The following MKLN1 variants were observed in gnomAD, a reference collection of about 807,000 sequenced individuals.
The protein encoded by MKLN1 is muskelin.
MKLN1 carries 18 observed loss-of-function variants against 99.0 expected under a neutral mutation model. The ratio of observed to expected loss-of-function variants is 0.18; its 90% CI spans 0.13 to 0.27. MKLN1 has a LOEUF of 0.27. Ranked by LOEUF, MKLN1 falls within the 10% of genes least tolerant of loss-of-function variation. The pLI is 1.00. For missense variants in MKLN1, 621 were observed against 875.9 expected (o/e 0.71, Z 3.67); for synonymous variants, 288 against 293.2 (o/e 0.98, Z 0.18).
chr7:131,184,678 C>T (rs1796424268), intron 2 of MKLN1, among the ~76,000 whole-genome samples: 1 of 152,174 alleles, frequency 6.6e-6, no homozygotes, highest in Non-Finnish European at 1.5e-5. Flanking sequence ...GTGCCCGCCA[C>T]TACATCCAGC....
chr7:131,188,115 A>G (rs1170522147), intron 2 of MKLN1, among the ~76,000 whole-genome samples: 2 of 152,196 alleles, frequency 1.3e-5, no homozygotes, highest in Non-Finnish European at 2.9e-5. Context: ...AAAATTCACC[A>G]TTAAGGAGAG....
intron 11 of MKLN1, among the ~76,000 whole-genome samples, chr7:131,444,815 A>G (rs1179106372): frequency 1.3e-5 from 2 of 148,198 alleles, no homozygotes; most frequent in African/African-American, 4.9e-5. Flanking sequence ...TAGTAGTAGT[A>G]GTAGTAGAAG....
At chr7:131,208,240 G>T (rs1028377567) in intron 3 of MKLN1, among the ~76,000 whole-genome samples, 1 of 152,236 alleles carries the variant, frequency 6.6e-6, no homozygotes, top group Non-Finnish European at 1.5e-5. Context: ...CTTATTCATT[G>T]TGATGTCTTA....
intron 1 of MKLN1, among the ~76,000 whole-genome samples, chr7:131,112,164 A>G (rs1321548290): frequency 6.6e-6 from 1 of 152,248 alleles, no homozygotes; most frequent in Non-Finnish European, 1.5e-5. Flanking sequence ...AAGATGTATA[A>G]TGGCATCGAT....
intron 3 of MKLN1, among the ~76,000 whole-genome samples, chr7:131,230,549 T>TG (rs1563260440): frequency 6.6e-6 from 1 of 152,238 alleles, no homozygotes; most frequent in African/African-American, 2.4e-5. Context: ...ACCCCAGTTC[T>TG]GGGAAGGCTT....
chr7:131,251,593 A>G (rs1179370339), intron 3 of MKLN1, among the ~76,000 whole-genome samples: 3 of 152,212 alleles, frequency 2.0e-5, no homozygotes, highest in Non-Finnish European at 4.4e-5. Flanking sequence ...CCTCATAAAG[A>G]TTCTGCTGGA....
chr7:131,307,868 G>A (rs772359249), intron 3 of MKLN1, among the ~76,000 whole-genome samples: 7 of 152,172 alleles, frequency 4.6e-5, no homozygotes, highest in Non-Finnish European at 8.8e-5. Flanking sequence ...CTGTTGAGGA[G>A]GAATAATTGT....
intron 3 of MKLN1, among the ~76,000 whole-genome samples, chr7:131,291,479 G>A (rs1798215852): frequency 6.6e-6 from 1 of 151,416 alleles, no homozygotes; most frequent in African/African-American, 2.4e-5. Context: ...GTGATATGTA[G>A]TAAGAGTACT....
chr7:131,461,884 C>T (rs1796525125), intron 12 of MKLN1, among the ~76,000 whole-genome samples: 1 of 152,000 alleles, frequency 6.6e-6, no homozygotes, highest in African/African-American at 2.4e-5. Flanking sequence ...TGTCATTTGC[C>T]ATATCAGTGT....
intron 3 of MKLN1, among the ~76,000 whole-genome samples, chr7:131,301,658 C>T (rs760659656): frequency 3.3e-5 from 5 of 152,208 alleles, no homozygotes; most frequent in Non-Finnish European, 4.4e-5. Flanking sequence ...TTCCTTGTCA[C>T]GTAGGACAGC....
intron 1 of MKLN1, among the ~76,000 whole-genome samples, chr7:131,350,385 A>G (rs1799685564): frequency 6.6e-6 from 1 of 152,110 alleles, no homozygotes; most frequent in South Asian, 2.1e-4. Flanking sequence ...TCCATAACAA[A>G]TTGCTACAAA....
chr7:131,118,590 C>T (rs1401608332), intron 1 of MKLN1, among the ~76,000 whole-genome samples: 6 of 151,816 alleles, frequency 4.0e-5, no homozygotes, highest in Non-Finnish European at 7.4e-5. Flanking sequence ...GAAAGAAAGA[C>T]ATACCTGAGA....
At chr7:131,233,303 A>G (rs57573998) in intron 3 of MKLN1, among the ~76,000 whole-genome samples, 34,914 of 151,362 alleles carry the variant, frequency 0.23, 4,579 homozygotes, top group Non-Finnish European at 0.3. Flanking sequence ...AGCTCAGGAG[A>G]TTGAGATTGT....
intron 2 of MKLN1, among the ~76,000 whole-genome samples, chr7:131,195,735 G>A (rs1216225486): frequency 6.6e-6 from 1 of 152,078 alleles, no homozygotes; most frequent in Non-Finnish European, 1.5e-5. Context: ...GGCGGATCAT[G>A]AGGTCAGGAG....
rs369597167 is a variant in MKLN1 at position 131,419,228 on chromosome 7, G to GTATA, written c.847+4534_847+4537dup. On this transcript the variant is annotated intron_variant, in intron 8 of 17. Coordinates refer to ENST00000352689, the MANE Select transcript of MKLN1 (RefSeq NM_013255.5). ...GGGAAGATTCATTACATATATATAT[G>GTATA]TATATATATATATATATATTTTTGT... Among the ~76,000 whole-genome samples, 659 of 132,724 alleles carry GTATA rather than the reference G, an allele frequency of 5.0e-3. 2 individuals are homozygous for GTATA. The highest frequency in any genetic ancestry group is 7.7e-3 in the Non-Finnish European group (479 of 62,514). The allele number at this position is 132,724 out of a possible 152,430, so 87.1% of individuals were successfully genotyped here. A position where few individuals can be genotyped will look rare whatever the true frequency, so the allele number is the denominator to read the frequency against.
intron 3 of MKLN1, among the ~76,000 whole-genome samples, chr7:131,246,107 G>A (rs917484244): frequency 2.0e-5 from 3 of 152,204 alleles, no homozygotes; most frequent in Admixed American, 6.5e-5. Context: ...GGGGATGTCC[G>A]TGCCATCAGC....
intron 12 of MKLN1, among the ~76,000 whole-genome samples, chr7:131,448,531 C>T (rs1796085034): frequency 6.6e-6 from 1 of 152,092 alleles, no homozygotes; most frequent in African/African-American, 2.4e-5. Flanking sequence ...CCAGAGATAA[C>T]TTGTTAAAAT....
intron 2 of MKLN1, among the ~76,000 whole-genome samples, chr7:131,168,029 T>C (rs1189609308): frequency 6.6e-6 from 1 of 152,262 alleles, no homozygotes; most frequent in African/African-American, 2.4e-5. Flanking sequence ...AATGGAATTA[T>C]TGGTGACTTA....
intron 3 of MKLN1, among the ~76,000 whole-genome samples, chr7:131,224,218 A>G (rs1251479011): frequency 6.6e-6 from 1 of 152,222 alleles, no homozygotes; most frequent in Non-Finnish European, 1.5e-5. Flanking sequence ...AGCCTGGGCA[A>G]CACAGAGAAA....
Sources: gnomAD v4.1 joint callset for allele counts (sites outside exome capture counted in the v4.1 genomes callset) on GRCh38, gnomAD v4.1.1 for gene constraint, MANE v1.5 for transcripts, NCBI Gene and HGNC (gene_info 2026-07-23, HGNC 2026-07-21) for gene names.